The following HSD17B13 variants were observed in gnomAD, a reference collection of about 807,000 sequenced individuals.
The protein encoded by HSD17B13 is hydroxysteroid 17-beta dehydrogenase 13, also known as 17-beta-hydroxysteroid dehydrogenase 13.
Under a neutral mutation model 31.1 loss-of-function variants are expected in HSD17B13, and 26 were observed. The ratio of observed to expected loss-of-function variants is 0.84; its 90% CI spans 0.61 to 1.16. The LOEUF (loss-of-function observed/expected upper bound fraction) is 1.16. HSD17B13 is among the 50% of genes most tolerant of loss of function. The pLI, the probability that HSD17B13 is intolerant of heterozygous loss-of-function variation, is 0.00. For missense variants in HSD17B13, 374 were observed against 366.5 expected (o/e 1.02, Z -0.17); for synonymous variants, 141 against 133.7 (o/e 1.05, Z -0.38).
intron 1 of HSD17B13, among the ~76,000 whole-genome samples, chr4:87,320,525 T>C (rs906762731): frequency 2.6e-5 from 4 of 151,240 alleles, no homozygotes; most frequent in African/African-American, 7.3e-5. Context: ...TAGCTGGGAC[T>C]ACAGGCGCCC....
In HSD17B13 at chr4:87,305,045, C is replaced by A. The variant is rs1578434495; in HGVS notation, c.*173G>T. The A allele has an allele frequency of 2.4e-6, 1 of 420,564 alleles. No homozygotes were observed. 26.1% of individuals were successfully genotyped at this position (420,564 alleles called of 1,614,324 possible). On this transcript the variant is annotated 3_prime_UTR_variant, in exon 7 of 7. Coordinates refer to ENST00000328546, the MANE Select transcript of HSD17B13 (RefSeq NM_178135.5). ...ACCTATGAAAAACTACGTAAATATT[C>A]TTGAGAAACAGGAAGACAGGTAATT... is the stretch of plus-strand genomic sequence containing the variant.
At position 87,317,136 on chromosome 4, in the gene HSD17B13, C is replaced by T. The variant is rs1436194289; in HGVS notation, c.406G>A (p.Glu136Lys). 6.2e-7 allele frequency: 1 copy of T among 1,614,102 alleles called. No individual in the cohort carries two copies. The highest frequency in any genetic ancestry group is 1.1e-5 in the South Asian group (1 of 91,078). ...TTGACCTCAAATGTCTTGGTAATCT[C>T]TTCATCCTTGGTGCTGAGAAGATCG... is the stretch of plus-strand genomic sequence containing the variant. ...PADLLSTKDEEITKTFEVNIL... is the reference protein window; with the variant it reads ...PADLLSTKDEKITKTFEVNIL... The change falls in exon 3 of 7, where the codon GAG becomes AAG. Residue 136 changes from glutamate to lysine, a missense_variant. Transcript: ENST00000328546.
At chr4:87,310,207 G>A (rs767218880) in intron 6 of HSD17B13, 36 bp downstream of exon 6, 8 of 1,514,548 alleles carry the variant, frequency 5.3e-6, no homozygotes, top group South Asian at 1.3e-5. Context: ...AGCTCTATTG[G>A]TGTTTTAGTA....
At chr4:87,315,243 AC>A (rs1734625149) in intron 4 of HSD17B13, among the ~76,000 whole-genome samples, 1 of 152,192 alleles carries the variant, frequency 6.6e-6, no homozygotes, top group South Asian at 2.1e-4. Flanking sequence ...GGGTATTTAA[AC>A]CCCAGAAAAT....
At chr4:87,315,379 C>A (rs1490362352) in intron 4 of HSD17B13, 114 bp downstream of exon 4, 1 of 478,912 alleles carries the variant, frequency 2.1e-6, no homozygotes, top group African/African-American at 2.0e-5. Flanking sequence ...TGAGTTTTGT[C>A]CAATTCTTTG....
intron 5 of HSD17B13, among the ~76,000 whole-genome samples, chr4:87,310,961 T>C (rs1734518615): frequency 6.6e-6 from 1 of 152,090 alleles, no homozygotes; most frequent in African/African-American, 2.4e-5. Context: ...ATAAAGACCT[T>C]GTTGATAAAA....
chr4:87,311,196 C>A (rs187280880), intron 5 of HSD17B13, among the ~76,000 whole-genome samples: 1 of 152,122 alleles, frequency 6.6e-6, no homozygotes, highest in Non-Finnish European at 1.5e-5. Flanking sequence ...GAATTGCTCA[C>A]CCTTTTCCCG....
At chr4:87,321,257 C>A (rs532530153) in intron 1 of HSD17B13, among the ~76,000 whole-genome samples, 1 of 152,054 alleles carries the variant, frequency 6.6e-6, no homozygotes, top group Admixed American at 6.5e-5. Context: ...TCTTGAACTC[C>A]TGGGCTCCAG....
chr4:87,315,454 G>T, intron 4 of HSD17B13, 39 bp downstream of exon 4: 1 of 1,248,820 alleles, frequency 8.0e-7, no homozygotes, highest in Non-Finnish European at 1.2e-6. Flanking sequence ...TCCCTTCAAA[G>T]TATAAAAATA....
intron 4 of HSD17B13, 28 bp downstream of exon 4, chr4:87,315,465 T>C (rs1261717656): frequency 3.0e-6 from 4 of 1,345,416 alleles, no homozygotes; most frequent in East Asian, 2.3e-5. Flanking sequence ...TATAAAAATA[T>C]ATAACATGGC....
At chr4:87,322,227 G>A (rs1328330235) in intron 1 of HSD17B13, among the ~76,000 whole-genome samples, 1 of 152,186 alleles carries the variant, frequency 6.6e-6, no homozygotes. Context: ...TGTGCATGAG[G>A]GGAGGCACTA....
chr4:87,305,582 G>C, intron 6 of HSD17B13, among the ~76,000 whole-genome samples: 1 of 151,518 alleles, frequency 6.6e-6, no homozygotes, highest in East Asian at 1.9e-4. Flanking sequence ...ATTATGCCTT[G>C]TGGCTATAGT....
intron 1 of HSD17B13, among the ~76,000 whole-genome samples, chr4:87,318,693 G>A (rs1734714969): frequency 2.0e-5 from 3 of 151,278 alleles, no homozygotes; most frequent in Non-Finnish European, 1.5e-5. Flanking sequence ...AGCTACTTGG[G>A]AGGCTGAGGC....
chr4:87,320,152 G>A (rs911220101), intron 1 of HSD17B13, among the ~76,000 whole-genome samples: 6 of 152,068 alleles, frequency 3.9e-5, no homozygotes, highest in African/African-American at 1.4e-4. Flanking sequence ...CCCCAAACAT[G>A]GATGTTAGGA....
chr4:87,313,477 G>C (rs1734579606), intron 5 of HSD17B13, among the ~76,000 whole-genome samples: 1 of 152,084 alleles, frequency 6.6e-6, no homozygotes, highest in African/African-American at 2.4e-5. Context: ...CCAGAGACAA[G>C]AGTTCTTGCA....
At chr4:87,318,939 A>G (rs1287803806) in intron 1 of HSD17B13, among the ~76,000 whole-genome samples, 5 of 150,566 alleles carry the variant, frequency 3.3e-5, no homozygotes, top group East Asian at 4.0e-4. Context: ...CCAGCACTTT[A>G]GGAGGCCGAG....
chr4:87,322,559 T>C (rs189824802), intron 1 of HSD17B13, 73 bp downstream of exon 1: 2 of 1,152,904 alleles, frequency 1.7e-6, no homozygotes, highest in Admixed American at 3.5e-5. Context: ...GATAAGTAGA[T>C]GGTAAGTCAA....
At chr4:87,320,683 G>A (rs915624607) in intron 1 of HSD17B13, among the ~76,000 whole-genome samples, 3 of 152,108 alleles carry the variant, frequency 2.0e-5, no homozygotes, top group African/African-American at 4.8e-5. Context: ...CACCGCGTCC[G>A]GCCTATTCTT....
chr4:87,312,630 C>A (rs1734556698), intron 5 of HSD17B13, among the ~76,000 whole-genome samples: 1 of 149,542 alleles, frequency 6.7e-6, no homozygotes, highest in Non-Finnish European at 1.5e-5. Flanking sequence ...CCCGGGTTCA[C>A]GCCATTCTCC....
Sources: gnomAD v4.1 joint callset for allele counts (sites outside exome capture counted in the v4.1 genomes callset) on GRCh38, gnomAD v4.1.1 for gene constraint, MANE v1.5 for transcripts, NCBI Gene and HGNC (gene_info 2026-07-23, HGNC 2026-07-21) for gene names.